Variants in CLSTN2 observed in about 807,000 individuals in gnomAD.
The protein encoded by CLSTN2 is calsyntenin-2.
A neutral mutation model predicts 101.2 loss-of-function variants in CLSTN2; 48 were observed. That is an observed-to-expected ratio of 0.47 (90% CI 0.38 to 0.60). The LOEUF (loss-of-function observed/expected upper bound fraction) is 0.60. CLSTN2 is among the 20% of genes least tolerant of loss of function. The pLI, the probability that CLSTN2 is intolerant of heterozygous loss-of-function variation, is 0.00. For synonymous variants in CLSTN2, 481 were observed against 463.6 expected (o/e 1.04, Z -0.48); for missense variants, 1,160 against 1,238.2 (o/e 0.94, Z 0.95).
chr3:139,954,159 C>T (rs1560052679), intron 1 of CLSTN2, among the ~76,000 whole-genome samples: 1 of 152,190 alleles, frequency 6.6e-6, no homozygotes, highest in Non-Finnish European at 1.5e-5. Context: ...CCTGTTGTTT[C>T]CTAAGAGAAA....
intron 1 of CLSTN2, among the ~76,000 whole-genome samples, chr3:140,039,541 T>C (rs1181998399): frequency 6.6e-6 from 1 of 152,216 alleles, no homozygotes; most frequent in South Asian, 2.1e-4. Flanking sequence ...TATTTGTAAA[T>C]AAATTAGAGT....
intron 6 of CLSTN2, among the ~76,000 whole-genome samples, chr3:140,459,148 C>G (rs1933491531): frequency 6.6e-6 from 1 of 152,302 alleles, no homozygotes; most frequent in Admixed American, 6.5e-5. Flanking sequence ...GGCAGGTTAA[C>G]AGATGGATAG....
intron 1 of CLSTN2, among the ~76,000 whole-genome samples, chr3:140,145,973 T>G (rs1397444804): frequency 2.0e-5 from 3 of 152,230 alleles, no homozygotes; most frequent in Non-Finnish European, 4.4e-5. Context: ...GAAGCCTACC[T>G]TGTTTCTGGG....
At chr3:140,517,946 T>C (rs937727323) in intron 8 of CLSTN2, among the ~76,000 whole-genome samples, 1 of 152,036 alleles carries the variant, frequency 6.6e-6, no homozygotes, top group Non-Finnish European at 1.5e-5. Context: ...CATCAGGTGG[T>C]GGCAGGGTTA....
At chr3:140,073,529 C>T (rs973910849) in intron 1 of CLSTN2, among the ~76,000 whole-genome samples, 6 of 152,194 alleles carry the variant, frequency 3.9e-5, no homozygotes, top group Admixed American at 3.3e-4. Context: ...CTTTGCCAGG[C>T]CCAATTGACC....
chr3:140,407,410 A>C (rs2088315724), intron 4 of CLSTN2, among the ~76,000 whole-genome samples: 1 of 152,072 alleles, frequency 6.6e-6, no homozygotes, highest in South Asian at 2.1e-4. Context: ...ACCTGTCTTT[A>C]ACCAGAGACT....
At chr3:140,294,127 G>T (rs1219428729) in intron 2 of CLSTN2, among the ~76,000 whole-genome samples, 1 of 152,150 alleles carries the variant, frequency 6.6e-6, no homozygotes, top group African/African-American at 2.4e-5. Context: ...AATGGAGTAT[G>T]GTTTCTATAA....
chr3:140,488,091 G>A (rs1934274391), intron 8 of CLSTN2, among the ~76,000 whole-genome samples: 1 of 152,114 alleles, frequency 6.6e-6, no homozygotes, highest in African/African-American at 2.4e-5. Context: ...TCTAGCAACA[G>A]TATGTCACAT....
intron 1 of CLSTN2, among the ~76,000 whole-genome samples, chr3:140,010,045 C>T (rs2007040053): frequency 6.6e-6 from 1 of 152,196 alleles, no homozygotes; most frequent in South Asian, 2.1e-4. Context: ...CACCCACAGT[C>T]ATCCATAACA....
intron 2 of CLSTN2, among the ~76,000 whole-genome samples, chr3:140,353,235 G>GTTTACACATATATATATATATATATATA (rs2087630507): frequency 8.0e-6 from 1 of 124,510 alleles, no homozygotes; most frequent in Non-Finnish European, 1.7e-5. Context: ...ATATATGTAT[G>GTTTACACATATATATATATATATATATA]TTTACACATA....
At chr3:140,423,273 G>T (rs78447736) in intron 5 of CLSTN2, among the ~76,000 whole-genome samples, 1 of 152,134 alleles carries the variant, frequency 6.6e-6, no homozygotes, top group South Asian at 2.1e-4. Context: ...ACCTTATAGC[G>T]CACACTGCTG....
chr3:140,035,905 T>C (rs969998497), intron 1 of CLSTN2, among the ~76,000 whole-genome samples: 6 of 152,230 alleles, frequency 3.9e-5, no homozygotes, highest in Admixed American at 1.3e-4. Context: ...CTTTTCTCCC[T>C]GTGCATTTTC....
chr3:140,267,058 C>T (rs375963728), intron 2 of CLSTN2, among the ~76,000 whole-genome samples: 1 of 152,232 alleles, frequency 6.6e-6, no homozygotes, highest in Admixed American at 6.5e-5. Flanking sequence ...TGGATTAAAG[C>T]TGCAAGATTT....
At chr3:140,173,974 C>T (rs1236923400) in intron 1 of CLSTN2, among the ~76,000 whole-genome samples, 2 of 152,236 alleles carry the variant, frequency 1.3e-5, no homozygotes, top group Non-Finnish European at 2.9e-5. Context: ...TGGGGATTAA[C>T]ATTGGGCTTC....
At chr3:140,421,536 C>T (rs2088506060) in intron 5 of CLSTN2, among the ~76,000 whole-genome samples, 1 of 145,110 alleles carries the variant, frequency 6.9e-6, no homozygotes, top group South Asian at 2.2e-4. Context: ...ATGACATCTT[C>T]GATCAATAGT....
chr3:140,193,365 G>C (rs2010600427), intron 2 of CLSTN2, among the ~76,000 whole-genome samples: 1 of 141,942 alleles, frequency 7.0e-6, no homozygotes, highest in South Asian at 2.3e-4. Flanking sequence ...CTTCATTCAA[G>C]AATGTCTTGA....
intron 2 of CLSTN2, among the ~76,000 whole-genome samples, chr3:140,284,571 C>G (rs1309370437): frequency 3.9e-5 from 6 of 152,114 alleles, no homozygotes; most frequent in African/African-American, 1.4e-4. Context: ...AAGAGCCACT[C>G]CATCAGGATG....
At chr3:140,384,331 A>G (rs910803306) in intron 2 of CLSTN2, among the ~76,000 whole-genome samples, 5 of 152,214 alleles carry the variant, frequency 3.3e-5, no homozygotes, top group African/African-American at 1.2e-4. Flanking sequence ...ATGAAAATGA[A>G]GCTGGGAGTT....
intron 2 of CLSTN2, among the ~76,000 whole-genome samples, chr3:140,231,103 C>T (rs1357419915): frequency 6.6e-6 from 1 of 152,178 alleles, no homozygotes; most frequent in Non-Finnish European, 1.5e-5. Context: ...TTCTCACCAC[C>T]ATAACAGTCA....
Sources: gnomAD v4.1 joint callset for allele counts (sites outside exome capture counted in the v4.1 genomes callset) on GRCh38, gnomAD v4.1.1 for gene constraint, MANE v1.5 for transcripts, NCBI Gene and HGNC (gene_info 2026-07-23, HGNC 2026-07-21) for gene names.